Variants in NELL1 observed in about 807,000 individuals in gnomAD.
NELL1 encodes neural EGFL like 1.
NELL1 carries 76 observed loss-of-function variants against 107.4 expected under a neutral mutation model. The observed-to-expected ratio is 0.71, with a 90% CI of 0.59 to 0.86. The LOEUF (loss-of-function observed/expected upper bound fraction) is 0.86, where lower values mean the gene tolerates loss of function less well. Ranked by LOEUF, NELL1 falls within the 40% of genes least tolerant of loss-of-function variation. The pLI is 0.00. For synonymous variants in NELL1, 353 were observed against 341.2 expected, an observed-to-expected ratio of 1.03 and a Z score of -0.38; for missense variants, 1,024 against 1,005.5, an observed-to-expected ratio of 1.02 and a Z score of -0.25.
chr11:21,528,966 T>C (rs1456966071), intron 15 of NELL1, among the ~76,000 whole-genome samples: 1 of 152,136 alleles, frequency 6.6e-6, no homozygotes, highest in Admixed American at 6.5e-5. Flanking sequence ...GTATGAGTTC[T>C]AACCTGAGCA....
At chr11:21,081,501 G>C (rs138331681) in intron 12 of NELL1, among the ~76,000 whole-genome samples, 12 of 152,148 alleles carry the variant, frequency 7.9e-5, no homozygotes, top group African/African-American at 2.4e-4. Context: ...TCACAAAATA[G>C]TGTGTCTTAA....
At chr11:20,715,131 G>A (rs536263513) in intron 2 of NELL1, among the ~76,000 whole-genome samples, 53 of 152,122 alleles carry the variant, frequency 3.5e-4, no homozygotes, top group African/African-American at 1.3e-3. Context: ...TGTAGTCCCA[G>A]CTACTCGGGA....
intron 14 of NELL1, among the ~76,000 whole-genome samples, chr11:21,268,488 C>G (rs1293445633): frequency 6.6e-6 from 1 of 152,128 alleles, no homozygotes; most frequent in Non-Finnish European, 1.5e-5. Context: ...AAATACCCAA[C>G]TCCAGCCACC....
chr11:21,544,316 G>A (rs971018804), intron 16 of NELL1, among the ~76,000 whole-genome samples: 1 of 151,854 alleles, frequency 6.6e-6, no homozygotes, highest in Middle Eastern at 3.4e-3. Flanking sequence ...TATACCATAG[G>A]GACTTTTAAA....
chr11:20,932,624 C>CCAA (rs888471050), intron 9 of NELL1, among the ~76,000 whole-genome samples: 22 of 152,318 alleles, frequency 1.4e-4, no homozygotes, highest in African/African-American at 4.8e-4. Context: ...TTTAATTCTT[C>CCAA]CAACAACTTT....
intron 14 of NELL1, among the ~76,000 whole-genome samples, chr11:21,303,917 C>A (rs958155721): frequency 6.6e-6 from 1 of 151,942 alleles, no homozygotes; most frequent in East Asian, 1.9e-4. Flanking sequence ...ATAATCACTG[C>A]GTCCTCACAT....
chr11:21,573,341 G>A lies in NELL1; in HGVS notation c.2314G>A (p.Gly772Ser), dbSNP rs1857148591. The change falls in exon 19 of 20, where the codon GGT becomes AGT. Residue 772 changes from glycine to serine, a missense_variant. Gly to Ser is a moderately conservative substitution (Grantham distance 56, BLOSUM62 0). Transcript: ENST00000357134. ...DIRKTCLDSYGVSRLSGSVWT... is the reference protein window; with the variant it reads ...DIRKTCLDSYSVSRLSGSVWT... Reference sequence around the variant, plus strand: ...CAGAAAAACTTGCCTGGACAGCTATGGTGTTTCACGGCTTAGTGGCTCAGT... The same window carrying A: ...CAGAAAAACTTGCCTGGACAGCTATAGTGTTTCACGGCTTAGTGGCTCAGT... 6.2e-7 allele frequency: 1 copy of A among 1,612,336 alleles called. No homozygotes were observed. Among genetic ancestry groups the A allele is most frequent in the Admixed American group, 1.7e-5 (1 of 59,866 alleles).
intron 13 of NELL1, among the ~76,000 whole-genome samples, chr11:21,221,729 G>C (rs758145792): frequency 6.6e-6 from 1 of 152,114 alleles, no homozygotes; most frequent in Non-Finnish European, 1.5e-5. Context: ...GTCTCACTCT[G>C]TTGCCCAGGG....
chr11:21,346,696 A>G (rs956555197), intron 14 of NELL1, among the ~76,000 whole-genome samples: 1 of 149,168 alleles, frequency 6.7e-6, no homozygotes, highest in Non-Finnish European at 1.5e-5. Flanking sequence ...TATATGATAT[A>G]TAATGTGTGA....
chr11:20,712,536 G>A (rs769736213), intron 2 of NELL1, among the ~76,000 whole-genome samples: 11 of 152,098 alleles, frequency 7.2e-5, no homozygotes, highest in Non-Finnish European at 1.2e-4. Context: ...GATCTTTTGG[G>A]GGTGTTATAG....
At chr11:21,361,460 C>T (rs1198207437) in intron 14 of NELL1, among the ~76,000 whole-genome samples, 1 of 151,874 alleles carries the variant, frequency 6.6e-6, no homozygotes, top group African/African-American at 2.4e-5. Flanking sequence ...TGACTGCATG[C>T]CTATGTGATG....
At chr11:20,781,147 G>C (rs965501932) in intron 2 of NELL1, among the ~76,000 whole-genome samples, 1 of 152,208 alleles carries the variant, frequency 6.6e-6, no homozygotes, top group Non-Finnish European at 1.5e-5. Context: ...TAAGAGTGAA[G>C]TTGGGAAGAA....
At chr11:20,747,763 A>G (rs1352983545) in intron 2 of NELL1, among the ~76,000 whole-genome samples, 1 of 152,208 alleles carries the variant, frequency 6.6e-6, no homozygotes, top group African/African-American at 2.4e-5. Context: ...TTATATGGGG[A>G]TACAAGTGAT....
chr11:21,228,626 T>C (rs2133882505), intron 13 of NELL1, among the ~76,000 whole-genome samples: 1 of 151,008 alleles, frequency 6.6e-6, no homozygotes, highest in Non-Finnish European at 1.5e-5. Context: ...TTTTATCCTC[T>C]TTGTTCTAAA....
chr11:21,092,119 G>T (rs1474086784), intron 12 of NELL1, among the ~76,000 whole-genome samples: 7 of 152,176 alleles, frequency 4.6e-5, no homozygotes, highest in Non-Finnish European at 8.8e-5. Context: ...CTACTGGATG[G>T]CTTTTTCATT....
chr11:21,233,478 A>C (rs906486548), intron 14 of NELL1, among the ~76,000 whole-genome samples: 1 of 151,944 alleles, frequency 6.6e-6, no homozygotes. Flanking sequence ...TCTCCCTCAC[A>C]CATTGTATTC....
chr11:20,701,079 G>T (rs955467773), intron 2 of NELL1, among the ~76,000 whole-genome samples: 1 of 152,130 alleles, frequency 6.6e-6, no homozygotes, highest in African/African-American at 2.4e-5. Context: ...TTGAGGAATC[G>T]CCACACTGTC....
chr11:20,841,242 T>A (rs1848617122), intron 3 of NELL1, among the ~76,000 whole-genome samples: 2 of 152,038 alleles, frequency 1.3e-5, no homozygotes, highest in Non-Finnish European at 2.9e-5. Context: ...CCACTGGACG[T>A]CTGCTACTTG....
At position 21,573,330 on chromosome 11, in the gene NELL1, T is replaced by C; in HGVS notation, c.2303T>C (p.Leu768Pro). ...ACCTATGACATCAGAAAAACTTGCC[T>C]GGACAGCTATGGTGTTTCACGGCTT... ...NITYDIRKTC[L>P]DSYGVSRLSG... Residue 768 changes from leucine (L) to proline (P), a missense_variant, in exon 19 of 20, where the codon CTG becomes CCG. Coordinates refer to ENST00000357134, the MANE Select transcript of NELL1 (RefSeq NM_006157.5). The C allele has an allele frequency of 6.2e-7, 1 of 1,612,514 alleles. No homozygotes were observed. Among genetic ancestry groups the C allele is most frequent in the Non-Finnish European group, 8.5e-7 (1 of 1,178,992 alleles).
Sources: gnomAD v4.1 joint callset for allele counts (sites outside exome capture counted in the v4.1 genomes callset) on GRCh38, gnomAD v4.1.1 for gene constraint, MANE v1.5 for transcripts, NCBI Gene and HGNC (gene_info 2026-07-23, HGNC 2026-07-21) for gene names.